The following CHST15 variants were observed in gnomAD, a reference collection of about 807,000 sequenced individuals.
CHST15 encodes B cell RAG associated protein (GALNAC4S-6ST).
CHST15 carries 30 observed loss-of-function variants against 53.6 expected under a neutral mutation model. That is an observed-to-expected ratio of 0.56 (90% confidence interval 0.42 to 0.76). The LOEUF is 0.76. CHST15 is among the 30% of genes least tolerant of loss of function. The pLI is 0.00. For synonymous variants in CHST15, 296 were observed against 289.8 expected (o/e 1.02, Z -0.22); for missense variants, 627 against 740.5 (o/e 0.85, Z 1.78).
rs1948032623 is a variant in CHST15 at position 124,047,183 on chromosome 10, G to A, written c.-512-459C>T. ...ATACTAAGGAGGATGGTTAGAAAGGGAGCAGGCAGAGAAAATGTGTTTTTT... is the reference window on the plus strand; with the variant it reads ...ATACTAAGGAGGATGGTTAGAAAGGAAGCAGGCAGAGAAAATGTGTTTTTT... On this transcript the variant is annotated intron_variant, in intron 1 of 7. Transcript: ENST00000435907. Among the ~76,000 whole-genome samples the A allele has an allele frequency of 2.0e-5, 3 of 152,190 alleles. No homozygotes were observed. The South Asian group carries it at 6.2e-4, about 31-fold the overall frequency.
intron 1 of CHST15, among the ~76,000 whole-genome samples, chr10:124,089,680 G>A (rs1464814698): frequency 6.6e-6 from 1 of 152,072 alleles, no homozygotes; most frequent in Non-Finnish European, 1.5e-5. Flanking sequence ...CTGAAAAGGA[G>A]ACTCCTCACA....
chr10:124,007,680 G>A lies in CHST15; in HGVS notation c.*2469C>T. On this transcript the variant is annotated 3_prime_UTR_variant, in exon 8 of 8. Transcript: ENST00000435907. ...CACCAGGAAGAGCTTGGCTGCAGAG[G>A]AAGAGCACGCGCTCCACAGGCGTCA... 1 of 1,217,764 alleles carries A rather than the reference G, an allele frequency of 8.2e-7. No individual in the cohort carries two copies. The highest frequency in any genetic ancestry group is 1.0e-6 in the Non-Finnish European group (1 of 980,020). 75.4% of individuals were successfully genotyped at this position (1,217,764 alleles called of 1,614,324 possible).
chr10:124,075,459 G>A (rs1362052377), intron 1 of CHST15, among the ~76,000 whole-genome samples: 6 of 152,098 alleles, frequency 3.9e-5, no homozygotes, highest in East Asian at 1.9e-4. Flanking sequence ...ACAGCGTCCC[G>A]GCTCCCTTTG....
chr10:124,058,732 C>T (rs1025037338), intron 1 of CHST15, among the ~76,000 whole-genome samples: 1 of 152,152 alleles, frequency 6.6e-6, no homozygotes, highest in Non-Finnish European at 1.5e-5. Context: ...AGAGTAAGTG[C>T]TCAATAAATA....
intron 1 of CHST15, among the ~76,000 whole-genome samples, chr10:124,047,990 C>T (rs1310688478): frequency 3.9e-5 from 6 of 152,182 alleles, no homozygotes; most frequent in Admixed American, 2.0e-4. Context: ...TAACTAACCG[C>T]GCATCAAGAT....
At chr10:124,069,764 T>C (rs1948856184) in intron 1 of CHST15, among the ~76,000 whole-genome samples, 1 of 152,210 alleles carries the variant, frequency 6.6e-6, no homozygotes, top group South Asian at 2.1e-4. Flanking sequence ...ACCTTCCCAG[T>C]CAGCCAGCTC....
At chr10:124,061,041 A>G (rs914572435) in intron 1 of CHST15, among the ~76,000 whole-genome samples, 1 of 152,194 alleles carries the variant, frequency 6.6e-6, no homozygotes, top group African/African-American at 2.4e-5. Context: ...CATTGTGCAG[A>G]TAAGAAAACG....
intron 1 of CHST15, among the ~76,000 whole-genome samples, chr10:124,073,226 G>A (rs991147105): frequency 6.6e-6 from 1 of 152,158 alleles, no homozygotes; most frequent in Admixed American, 6.5e-5. Context: ...ACAGTAGAAC[G>A]GACAAATACA....
At chr10:124,061,891 T>C (rs1271315338) in intron 1 of CHST15, among the ~76,000 whole-genome samples, 1 of 151,810 alleles carries the variant, frequency 6.6e-6, no homozygotes, top group East Asian at 1.9e-4. Context: ...AAGGCAGAGG[T>C]GGGCTAAAGA....
chr10:124,042,377 C>G lies in CHST15; in HGVS notation c.957G>C (p.Leu319=), dbSNP rs767374479. 6.2e-7 allele frequency: 1 copy of G among 1,614,210 alleles called. No homozygotes were observed. The highest frequency in any genetic ancestry group is 8.5e-7 in the Non-Finnish European group (1 of 1,180,042). Reference sequence around the variant, plus strand: ...GTCCTTGATGGATCTGGTGTGCGGCCAGGTCAAAGAGGTCCAGATAATCTT... The same window carrying G: ...GTCCTTGATGGATCTGGTGTGCGGCGAGGTCAAAGAGGTCCAGATAATCTT... ...PVEDYLDLFD[L]AAHQIHQGLQ... The change falls in exon 4 of 8, where the codon CTG becomes CTC. Residue 319 remains leucine (L), a synonymous_variant. Coordinates refer to ENST00000435907, the MANE Select transcript of CHST15 (RefSeq NM_001270764.2).
chr10:124,037,417 T>C (rs7913221), intron 5 of CHST15, among the ~76,000 whole-genome samples: 47,236 of 151,958 alleles, frequency 0.31, 8,147 homozygotes, highest in African/African-American at 0.45. Context: ...AGAGGACCAA[T>C]GAGTGGATGT....
rs747931234 is a variant in CHST15 at position 124,010,153 on chromosome 10, G to A, written c.1682C>T (p.Thr561Met). ...LADEAFAWKT[T>M] is the part of the protein sequence containing the mutation. ...CGTGCAGCAACAATTCAGCTCTCAC[G>A]TCGTCTTCCACGCAAACGCCTCATC... The change falls in exon 8 of 8, where the codon ACG (threonine) becomes ATG (methionine). Residue 561 changes from threonine (T) to methionine (M), a missense_variant. Coordinates refer to ENST00000435907, the MANE Select transcript of CHST15 (RefSeq NM_001270764.2). 6.2e-7 allele frequency: 1 copy of A among 1,612,572 alleles called. No homozygotes were observed. The highest frequency in any genetic ancestry group is 1.1e-5 in the South Asian group (1 of 91,010).
At position 124,051,907 on chromosome 10, in the gene CHST15, T is replaced by A. The variant is rs79804741; in HGVS notation, c.-512-5183A>T. On this transcript the variant is annotated intron_variant, in intron 1 of 7. Transcript: ENST00000435907. The stretch of plus-strand genomic sequence containing the variant: ...CCAATTTCACCCTAGGAAAAACTTA[T>A]TAAATTATTGTAGCTATAAGCTGAT... Among the ~76,000 whole-genome samples the A allele has an allele frequency of 4.3e-3, 657 of 152,296 alleles. 6 individuals are homozygous for A. Among genetic ancestry groups the A allele is most frequent in the African/African-American group, 0.015 (624 of 41,542 alleles).
chr10:124,048,498 G>A (rs1948078582), intron 1 of CHST15, among the ~76,000 whole-genome samples: 1 of 152,130 alleles, frequency 6.6e-6, no homozygotes, highest in Non-Finnish European at 1.5e-5. Context: ...GAGGGCAGCT[G>A]GAGGGACATG....
chr10:124,064,631 C>G lies in CHST15; in HGVS notation c.-512-17907G>C, dbSNP rs1006590780. Among the ~76,000 whole-genome samples, 70 of 152,232 alleles carry G rather than the reference C, an allele frequency of 4.6e-4. 1 individual carries two copies. The highest frequency in any genetic ancestry group is 1.7e-3 in the African/African-American group (70 of 41,532). On this transcript the variant is annotated intron_variant, in intron 1 of 7. Transcript: ENST00000435907. ...GCTGTACCTGGGAACATTCAATCCCCCTTGCAGCACTGCATCCCCCCAACC... is the reference window on the plus strand; with the variant it reads ...GCTGTACCTGGGAACATTCAATCCCGCTTGCAGCACTGCATCCCCCCAACC...
intron 5 of CHST15, among the ~76,000 whole-genome samples, chr10:124,030,988 C>T (rs1316769010): frequency 6.6e-6 from 1 of 152,230 alleles, no homozygotes. Flanking sequence ...CGGGTCCTTC[C>T]TATTTACAGA....
At chr10:124,081,973 C>T (rs1297121739) in intron 1 of CHST15, among the ~76,000 whole-genome samples, 1 of 152,178 alleles carries the variant, frequency 6.6e-6, no homozygotes, top group Non-Finnish European at 1.5e-5. Flanking sequence ...GGATAAGCAG[C>T]CGGGCCGCCC....
intron 1 of CHST15, among the ~76,000 whole-genome samples, chr10:124,060,077 A>T (rs1200943543): frequency 6.6e-6 from 1 of 152,078 alleles, no homozygotes. Context: ...GGCTGTAGGG[A>T]CCTCAGGAGT....
At chr10:124,069,822 C>T (rs1307904429) in intron 1 of CHST15, among the ~76,000 whole-genome samples, 1 of 152,186 alleles carries the variant, frequency 6.6e-6, no homozygotes, top group Non-Finnish European at 1.5e-5. Flanking sequence ...CTGCCTTTAA[C>T]AGTTCTGCGC....
Sources: allele counts gnomAD v4.1 joint callset (sites outside exome capture counted in the v4.1 genomes callset), GRCh38; gene constraint gnomAD v4.1.1; transcripts MANE v1.5; gene names NCBI Gene and HGNC (gene_info 2026-07-23, HGNC 2026-07-21).